ABCA8: variants seen among roughly 807,000 people sequenced by gnomAD.
ABCA8 encodes the protein ATP binding cassette subfamily A member 8, also known as ABC-type organic anion transporter ABCA8.
ABCA8 carries 177 observed loss-of-function variants against 192.3 expected under a neutral mutation model. The ratio of observed to expected loss-of-function variants is 0.92; its 90% CI spans 0.81 to 1.04. ABCA8 has a LOEUF of 1.04. ABCA8 is among the 50% of genes least tolerant of loss of function. ABCA8 has a pLI of 0.00. For synonymous variants in ABCA8, 642 were observed against 690.2 expected, an observed-to-expected ratio of 0.93 and a Z score of 1.09; for missense variants, 1,915 against 1,904.8, an observed-to-expected ratio of 1.01 and a Z score of -0.10.
intron 21 of ABCA8, among the ~76,000 whole-genome samples, chr17:68,895,832 A>T (rs966281080): frequency 9.9e-5 from 15 of 152,160 alleles, no homozygotes; most frequent in Admixed American, 9.2e-4. Context: ...TCCTCCACCC[A>T]TTCCCTAATC....
chr17:68,873,247 A>G (rs1018572457), intron 37 of ABCA8, among the ~76,000 whole-genome samples: 2 of 152,166 alleles, frequency 1.3e-5, no homozygotes, highest in African/African-American at 4.8e-5. Context: ...TGCCTACAGT[A>G]TTCCCTGCAG....
intron 7 of ABCA8, 149 bp from the exon 8 acceptor site, chr17:68,929,851 A>C (rs1361647106): frequency 2.7e-6 from 2 of 737,698 alleles, no homozygotes; most frequent in Non-Finnish European, 4.2e-6. Context: ...AAGATATATA[A>C]ATACAAGGTA....
At chr17:68,893,988 C>CT in intron 23 of ABCA8, 185 bp downstream of exon 23, 2 of 577,084 alleles carry the variant, frequency 3.5e-6, no homozygotes, top group Non-Finnish European at 6.0e-6. Context: ...TTTTATTTTA[C>CT]TTTAAACAAA....
chr17:68,883,830 T>C lies in ABCA8; in HGVS notation c.3668A>G (p.Lys1223Arg), dbSNP rs1258830165. ...FLFTLRCLEW[K>R]FGKKSMRKDP... ...CTTTCTCATTGATTTCTTTCCAAAC[T>C]TCCATTCCAGACATCGAAGAGTAAA... Residue 1223 changes from lysine (K) to arginine (R), a missense_variant, in exon 29 of 40, where the codon AAG (lysine) becomes AGG (arginine). Physicochemically the swap from Lys to Arg is conservative, Grantham distance 26. Transcript: ENST00000586539. 4 of 1,600,536 alleles carry C rather than the reference T, an allele frequency of 2.5e-6. No individual in the cohort carries two copies. The African/African-American group carries it at 4.0e-5, about 16-fold the overall frequency.
At chr17:68,936,670 A>G (rs1252362881) in intron 5 of ABCA8, among the ~76,000 whole-genome samples, 1 of 152,092 alleles carries the variant, frequency 6.6e-6, no homozygotes, top group Non-Finnish European at 1.5e-5. Flanking sequence ...TAACAATCAT[A>G]TATTCCATAT....
chr17:68,877,664 T>C lies in ABCA8; in HGVS notation c.4054A>G (p.Ser1352Gly). The C allele has an allele frequency of 6.2e-7, 1 of 1,611,064 alleles. No homozygotes were observed. The highest frequency in any genetic ancestry group is 8.5e-7 in the Non-Finnish European group (1 of 1,178,312). ...AACTCCAGGGCATCCCCTCCACCGC[T>C]CCCTTTCAGTAGCACCTGCAGATGA... Reference protein sequence around the residue: ...PTAGQVLLKGSGGGDALEFLG... With the variant: ...PTAGQVLLKGGGGGDALEFLG... The change falls in exon 33 of 40, where the codon AGC (serine) becomes GGC (glycine). Residue 1352 changes from serine to glycine, a missense_variant. Physicochemically the swap from Ser to Gly is moderately conservative, Grantham distance 56. Transcript: ENST00000586539.
chr17:68,932,153 T>A (rs2067908595), intron 7 of ABCA8, 135 bp downstream of exon 7: 1 of 623,514 alleles, frequency 1.6e-6, no homozygotes, highest in African/African-American at 1.9e-5. Context: ...GAGCTTGCAG[T>A]GAGCTGAGAT....
At chr17:68,936,637 C>T (rs926222178) in intron 5 of ABCA8, among the ~76,000 whole-genome samples, 2 of 151,900 alleles carry the variant, frequency 1.3e-5, no homozygotes, top group African/African-American at 2.4e-5. Flanking sequence ...TCTATCTTAT[C>T]CATAAACTAC....
chr17:68,882,450 C>T (rs548465611), intron 30 of ABCA8, 149 bp downstream of exon 30: 3 of 619,344 alleles, frequency 4.8e-6, no homozygotes, highest in South Asian at 6.0e-5. Context: ...AAAGAGTTAA[C>T]ATGACTTTTA....
In ABCA8 at chr17:68,911,809, CTG is replaced by C. The variant is rs1332131730; in HGVS notation, c.2139-3932_2139-3931del. Among the ~76,000 whole-genome samples, 7 of 152,014 alleles carry C rather than the reference CTG, an allele frequency of 4.6e-5. No individual in the cohort carries two copies. Among genetic ancestry groups the C allele is most frequent in the Non-Finnish European group, 7.4e-5 (5 of 68,016 alleles). ...AGATAAGGGAAGGGAACAAGCATCT[CTG>C]CCTGGTAATCCAAAGTATTCTCCAA... On this transcript the variant is annotated intron_variant, in intron 17 of 39. Coordinates refer to ENST00000586539, the MANE Select transcript of ABCA8 (RefSeq NM_001288985.2). This position sits in a 1 kb window ranked among gnomAD's most constrained non-coding sequence, Gnocchi z 5.7.
Position 68,907,766 on chromosome 17 carries a change from G to A in ABCA8, c.2252C>T (p.Pro751Leu), listed in dbSNP as rs772032087. ...KSEGKLIYTL[P>L]LERTNKFPEL... ...TGGAAATTTATTTGTTCTTTCTAAG[G>A]GTAATGTATAAATAAGTTTTCCTTC... Residue 751 changes from proline to leucine, a missense_variant, in exon 18 of 40, where the codon CCC (proline) becomes CTC (leucine). Physicochemically the swap from Pro to Leu is moderately conservative, Grantham distance 98 (BLOSUM62 -3). Transcript: ENST00000586539. 10 of 1,602,062 alleles carry A rather than the reference G, an allele frequency of 6.2e-6. No homozygotes were observed. The highest frequency in any genetic ancestry group is 8.5e-6 in the Non-Finnish European group (10 of 1,175,344).
chr17:68,909,340 T>A (rs989942743), intron 17 of ABCA8, among the ~76,000 whole-genome samples: 1 of 152,140 alleles, frequency 6.6e-6, no homozygotes, highest in African/African-American at 2.4e-5. Flanking sequence ...CAGAGCAGTG[T>A]GTAAAAGAAA....
At chr17:68,882,194 T>A (rs1230689298) in intron 30 of ABCA8, among the ~76,000 whole-genome samples, 1 of 152,160 alleles carries the variant, frequency 6.6e-6, no homozygotes, top group Non-Finnish European at 1.5e-5. Flanking sequence ...AGGCAGTTTT[T>A]TCAGGAGCAC....
intron 7 of ABCA8, among the ~76,000 whole-genome samples, chr17:68,929,995 G>GA (rs1320844124): frequency 2.0e-5 from 3 of 147,434 alleles, no homozygotes; most frequent in African/African-American, 7.4e-5. Flanking sequence ...GGTGGGGGGG[G>GA]AATTAGGTTT....
chr17:68,915,830 T>A (rs2067344178), intron 17 of ABCA8, among the ~76,000 whole-genome samples: 2 of 152,176 alleles, frequency 1.3e-5, no homozygotes, highest in African/African-American at 2.4e-5. Context: ...CACTCTCGTG[T>A]TTATTGATGC....
intron 5 of ABCA8, 102 bp from the exon 6 acceptor site, chr17:68,933,373 C>T (rs1307928361): frequency 1.5e-6 from 1 of 677,634 alleles, no homozygotes. Context: ...TTACAATGAC[C>T]CCAAATTCCA....
chr17:68,926,291 T>C (rs762862626), intron 10 of ABCA8, among the ~76,000 whole-genome samples: 3 of 152,134 alleles, frequency 2.0e-5, no homozygotes, highest in Non-Finnish European at 4.4e-5. Flanking sequence ...CCACTGAGAA[T>C]AAACACATTG....
At chr17:68,941,303 A>G (rs2068224328) in intron 3 of ABCA8, among the ~76,000 whole-genome samples, 1 of 152,142 alleles carries the variant, frequency 6.6e-6, no homozygotes, top group Non-Finnish European at 1.5e-5. Flanking sequence ...AACTCCCAAT[A>G]AGAAATCACT....
intron 33 of ABCA8, 50 bp downstream of exon 33, chr17:68,877,467 ACC>A: frequency 6.7e-7 from 1 of 1,501,330 alleles, no homozygotes; most frequent in East Asian, 2.4e-5. Flanking sequence ...ATCACTCTCA[ACC>A]TCCTCCACCC....
Sources: allele counts gnomAD v4.1 joint callset (sites outside exome capture counted in the v4.1 genomes callset), GRCh38; gene constraint gnomAD v4.1.1; non-coding constraint Gnocchi (gnomAD v3.1); transcripts MANE v1.5; gene names NCBI Gene and HGNC (gene_info 2026-07-23, HGNC 2026-07-21).